The following CWC22 variants were observed in gnomAD, a reference collection of about 807,000 sequenced individuals.
CWC22 encodes pre-mRNA-splicing factor CWC22 homolog.
A neutral mutation model predicts 117.2 loss-of-function variants in CWC22; 53 were observed. That is an observed-to-expected ratio of 0.45 (90% CI 0.36 to 0.57). CWC22 has a LOEUF of 0.57. Ranked by LOEUF, CWC22 falls within the 20% of genes least tolerant of loss-of-function variation. The pLI is 0.00. For missense variants in CWC22, 980 were observed against 1,068.8 expected, an observed-to-expected ratio of 0.92 and a Z score of 1.16; for synonymous variants, 360 against 355.6, an observed-to-expected ratio of 1.01 and a Z score of -0.14.
At chr2:179,953,138 G>A (rs1686495853) in intron 16 of CWC22, among the ~76,000 whole-genome samples, 1 of 151,940 alleles carries the variant, frequency 6.6e-6, no homozygotes, top group Non-Finnish European at 1.5e-5. Flanking sequence ...TGTTTGGGGG[G>A]CCCATTAGTT....
chr2:179,959,657 C>A (rs982473171), intron 13 of CWC22, among the ~76,000 whole-genome samples: 2 of 152,104 alleles, frequency 1.3e-5, no homozygotes, highest in Non-Finnish European at 2.9e-5. Context: ...CCCTATGCTA[C>A]AAACCTGTTC....
chr2:179,971,126 T>C lies in CWC22; in HGVS notation c.805-50A>G, dbSNP rs537083511. On this transcript the variant is annotated intron_variant, in intron 8 of 19. Coordinates refer to ENST00000410053, the MANE Select transcript of CWC22 (RefSeq NM_020943.3). ...AAGAAACAAAATGCTTTTACATACATTAAATTATTTTTATAATTTCTAAAA... is the reference window on the plus strand; with the variant it reads ...AAGAAACAAAATGCTTTTACATACACTAAATTATTTTTATAATTTCTAAAA... The C allele has an allele frequency of 4.1e-6, 5 of 1,219,576 alleles. No homozygotes were observed. In the East Asian group the frequency reaches 7.9e-5, roughly 19 times the overall value. 75.5% of individuals were successfully genotyped at this position (1,219,576 alleles called of 1,614,324 possible).
At chr2:179,988,700 G>C (rs1400712659) in intron 2 of CWC22, 56 bp from the exon 3 acceptor site, 2 of 880,180 alleles carry the variant, frequency 2.3e-6, no homozygotes, top group East Asian at 2.8e-5. Flanking sequence ...TAATAACACA[G>C]ACTGAAATAC....
chr2:179,975,370 G>C (rs1464377284), intron 6 of CWC22, among the ~76,000 whole-genome samples: 1 of 152,086 alleles, frequency 6.6e-6, no homozygotes, highest in South Asian at 2.1e-4. Flanking sequence ...TTTCCTCTAG[G>C]ATCAGGAATA....
In CWC22 at chr2:179,973,800, C is replaced by A; in HGVS notation, c.584G>T (p.Gly195Val). ...LLQENIVRGR[G>V]LLSRSVLQAQ... ...TTGCAAAACAGACCTGGACAGCAGT[C>A]CTCTGTTTAAAAAAGAATTTAAAAA... is the stretch of plus-strand genomic sequence containing the variant. Residue 195 changes from glycine to valine, a missense_variant and splice_region_variant, in exon 7 of 20, where the codon GGA becomes GTA. Gly to Val is a moderately radical substitution (Grantham distance 109). This residue lies in a region of CWC22 where 559 missense variants were observed against 602.3 expected (regional missense o/e 0.93). Coordinates refer to ENST00000410053, the MANE Select transcript of CWC22 (RefSeq NM_020943.3). The A allele has an allele frequency of 6.6e-7, 1 of 1,526,340 alleles. No individual in the cohort carries two copies. The highest frequency in any genetic ancestry group is 8.8e-7 in the Non-Finnish European group (1 of 1,137,308). 94.5% of individuals were successfully genotyped at this position (1,526,340 alleles called of 1,614,324 possible). A position where few individuals can be genotyped will look rare whatever the true frequency, so the allele number is the denominator to read the frequency against.
intron 5 of CWC22, among the ~76,000 whole-genome samples, chr2:179,978,914 C>T (rs918354269): frequency 6.6e-6 from 1 of 152,292 alleles, no homozygotes; most frequent in African/African-American, 2.4e-5. Flanking sequence ...ATGTAGTAGT[C>T]CTACAGCTAT....
At chr2:179,966,678 C>G (rs941082655) in intron 11 of CWC22, among the ~76,000 whole-genome samples, 15 of 152,092 alleles carry the variant, frequency 9.9e-5, no homozygotes, top group Non-Finnish European at 1.6e-4. Flanking sequence ...TACATAAGGC[C>G]AGTCATTATG....
At chr2:179,993,246 C>A in intron 2 of CWC22, 69 bp downstream of exon 2, 2 of 1,113,766 alleles carry the variant, frequency 1.8e-6, no homozygotes, top group African/African-American at 1.5e-5. Context: ...TACATAAATG[C>A]ATTTATATTT....
rs550363886 is a variant in CWC22 at position 179,977,443 on chromosome 2, A to G, written c.581+747T>C. Among the ~76,000 whole-genome samples, 12 of 152,364 alleles carry G rather than the reference A, an allele frequency of 7.9e-5. No individual in the cohort carries two copies. The South Asian group carries it at 8.3e-4, about 11-fold the overall frequency. The stretch of plus-strand genomic sequence containing the variant: ...AACACAGGTGAACTTGGAGAACATT[A>G]TGCTAAGTGAAATAAGCCAGGCACA... On this transcript the variant is annotated intron_variant, in intron 6 of 19. Coordinates refer to ENST00000410053, the MANE Select transcript of CWC22 (RefSeq NM_020943.3).
intron 14 of CWC22, among the ~76,000 whole-genome samples, chr2:179,957,865 G>A (rs1686637579): frequency 6.6e-6 from 1 of 151,602 alleles, no homozygotes; most frequent in South Asian, 2.1e-4. Context: ...AGAAGAAAGA[G>A]CAACTTTATC....
intron 1 of CWC22, among the ~76,000 whole-genome samples, chr2:180,000,582 G>A (rs1276241960): frequency 6.6e-6 from 1 of 152,214 alleles, no homozygotes; most frequent in Non-Finnish European, 1.5e-5. Flanking sequence ...AAGAGTTGCA[G>A]AGCTGTCCTC....
intron 6 of CWC22, among the ~76,000 whole-genome samples, chr2:179,975,033 G>A (rs561461620): frequency 1.6e-4 from 25 of 152,208 alleles, no homozygotes; most frequent in African/African-American, 5.8e-4. Flanking sequence ...GGATTACAGC[G>A]ACCGTGCCTG....
At chr2:180,001,519 G>T (rs818662) in intron 1 of CWC22, among the ~76,000 whole-genome samples, 2,630 of 152,074 alleles carry the variant, frequency 0.017, 84 homozygotes, top group African/African-American at 0.06. Flanking sequence ...TAGTAGAGAT[G>T]GGGTTTCGCC....
chr2:179,969,207 C>CA (rs1343213183), intron 11 of CWC22, among the ~76,000 whole-genome samples: 1 of 151,946 alleles, frequency 6.6e-6, no homozygotes, highest in Non-Finnish European at 1.5e-5. Flanking sequence ...AAGAATTTCA[C>CA]AAAAAACATT....
At chr2:179,975,006 G>T (rs1559291897) in intron 6 of CWC22, among the ~76,000 whole-genome samples, 2 of 152,136 alleles carry the variant, frequency 1.3e-5, no homozygotes, top group African/African-American at 4.8e-5. Flanking sequence ...CTCCCAAAGT[G>T]CTAGGATTAC....
At chr2:179,956,605 TA>T (rs1686598202) in intron 14 of CWC22, among the ~76,000 whole-genome samples, 1 of 150,042 alleles carries the variant, frequency 6.7e-6, no homozygotes, top group African/African-American at 2.4e-5. Context: ...TAAATATATA[TA>T]AAAATAAAGA....
intron 1 of CWC22, among the ~76,000 whole-genome samples, chr2:180,006,215 C>A (rs1282913233): frequency 6.6e-6 from 1 of 152,226 alleles, no homozygotes. Flanking sequence ...CTAATTCTTG[C>A]ATCTAGAATA....
intron 1 of CWC22, among the ~76,000 whole-genome samples, chr2:179,996,932 G>T (rs1401436413): frequency 6.6e-6 from 1 of 151,050 alleles, no homozygotes; most frequent in East Asian, 1.9e-4. Flanking sequence ...CTAAGAGAAA[G>T]AAACTAAGAG....
intron 1 of CWC22, among the ~76,000 whole-genome samples, chr2:179,999,415 T>C (rs1335713398): frequency 6.6e-6 from 1 of 152,136 alleles, no homozygotes; most frequent in Non-Finnish European, 1.5e-5. Flanking sequence ...GGAGATATAG[T>C]ATTCACGAGA....
Sources: gnomAD v4.1 joint callset for allele counts (sites outside exome capture counted in the v4.1 genomes callset) on GRCh38, gnomAD v4.1.1 for gene constraint, gnomAD v4.1.1 regional missense constraint, MANE v1.5 for transcripts, NCBI Gene and HGNC (gene_info 2026-07-23, HGNC 2026-07-21) for gene names.